MAD1L1: variants seen among roughly 807,000 people sequenced by gnomAD.
MAD1L1 encodes the protein mitotic spindle assembly checkpoint protein MAD1.
MAD1L1 carries 95 observed loss-of-function variants against 96.9 expected under a neutral mutation model. That is an observed-to-expected ratio of 0.98 (90% CI 0.83 to 1.16). The LOEUF is 1.16. MAD1L1 is among the 50% of genes most tolerant of loss of function. The pLI, the probability that MAD1L1 is intolerant of heterozygous loss-of-function variation, is 0.00. For missense variants in MAD1L1, 1,007 were observed against 954.4 expected, an observed-to-expected ratio of 1.06 and a Z score of -0.73; for synonymous variants, 473 against 396.6, an observed-to-expected ratio of 1.19 and a Z score of -2.29.
intron 18 of MAD1L1, among the ~76,000 whole-genome samples, chr7:1,883,805 T>C (rs989432582): frequency 1.3e-5 from 2 of 152,110 alleles, no homozygotes; most frequent in African/African-American, 4.8e-5. Context: ...CCCAGACAGC[T>C]TCAAACCAGA....
intron 12 of MAD1L1, among the ~76,000 whole-genome samples, chr7:2,060,594 ACGACGACAG>A (rs1784618816): frequency 6.6e-6 from 1 of 152,202 alleles, no homozygotes; most frequent in South Asian, 2.1e-4. Context: ...GGAGGAGGCA[ACGACGACAG>A]CATGGAATCG....
chr7:2,096,789 C>A (rs1392453823), intron 11 of MAD1L1, among the ~76,000 whole-genome samples: 1 of 151,992 alleles, frequency 6.6e-6, no homozygotes, highest in Non-Finnish European at 1.5e-5. Context: ...GCCCCACGAC[C>A]ACCACCACCC....
intron 10 of MAD1L1, among the ~76,000 whole-genome samples, chr7:2,152,048 G>C (rs189170888): frequency 3.3e-5 from 5 of 152,302 alleles, no homozygotes; most frequent in Admixed American, 1.3e-4. Flanking sequence ...GCTCCTCCTT[G>C]CCTGAGGTGG....
intron 17 of MAD1L1, among the ~76,000 whole-genome samples, chr7:1,926,031 AAG>A (rs1055640304): frequency 6.6e-6 from 1 of 152,174 alleles, no homozygotes; most frequent in Non-Finnish European, 1.5e-5. Context: ...AAAAAGAAAA[AAG>A]AAAAAAAAAG....
chr7:2,142,732 G>A lies in MAD1L1; in HGVS notation c.1073+6420C>T, dbSNP rs988701013. ...CGCCAAAGCCGAACGGACGCAACAA[G>A]GCCTCTGGCCATGTCAAACCCCAGG... On this transcript the variant is annotated intron_variant, in intron 11 of 18. Transcript: ENST00000265854. The surrounding 1 kb of genome is among the most constrained non-coding windows in gnomAD (Gnocchi z 4.7). Among the ~76,000 whole-genome samples the A allele has an allele frequency of 2.0e-5, 3 of 152,240 alleles. No homozygotes were observed. The highest frequency in any genetic ancestry group is 7.2e-5 in the African/African-American group (3 of 41,458).
chr7:1,843,420 C>T (rs552375422), intron 18 of MAD1L1, among the ~76,000 whole-genome samples: 2 of 152,230 alleles, frequency 1.3e-5, no homozygotes, highest in Admixed American at 1.3e-4. Flanking sequence ...GGCCCAGGTG[C>T]GGTGTAGACC....
chr7:1,964,798 T>C (rs1780091945), intron 15 of MAD1L1, among the ~76,000 whole-genome samples: 1 of 152,190 alleles, frequency 6.6e-6, no homozygotes, highest in African/African-American at 2.4e-5. Context: ...GGGGAAACTT[T>C]TGCAAGAAAA....
chr7:2,087,360 C>T (rs1230880559), intron 11 of MAD1L1, among the ~76,000 whole-genome samples: 7 of 152,052 alleles, frequency 4.6e-5, no homozygotes, highest in African/African-American at 1.2e-4. Flanking sequence ...ACCAACATGG[C>T]GAAACCCTGT....
At chr7:2,121,885 C>T (rs1444157055) in intron 11 of MAD1L1, among the ~76,000 whole-genome samples, 1 of 152,198 alleles carries the variant, frequency 6.6e-6, no homozygotes, top group Non-Finnish European at 1.5e-5. Context: ...AACACAGACC[C>T]GTGCAGCAGC....
chr7:1,967,766 C>T (rs1037972214), intron 15 of MAD1L1, among the ~76,000 whole-genome samples: 12 of 152,176 alleles, frequency 7.9e-5, no homozygotes, highest in South Asian at 2.1e-4. Flanking sequence ...CGGCCGGCCG[C>T]GGGGAGATCA....
At position 2,027,602 on chromosome 7, in the gene MAD1L1, A is replaced by G. The variant is rs369861569; in HGVS notation, c.1219-12960T>C. Among the ~76,000 whole-genome samples the G allele has an allele frequency of 1.3e-5, 2 of 152,258 alleles. 1 individual carries two copies. ...ACAAAATATAGAAGAAAATCAAATG[A>G]TCATCTCAATATTTGCAGAAAAGGC... is the stretch of plus-strand genomic sequence containing the variant. On this transcript the variant is annotated intron_variant, in intron 12 of 18. Transcript: ENST00000265854.
chr7:2,053,499 C>T (rs1248796521), intron 12 of MAD1L1, among the ~76,000 whole-genome samples: 6 of 152,334 alleles, frequency 3.9e-5, no homozygotes, highest in East Asian at 1.9e-4. Context: ...ATGAGCCGGA[C>T]GCCGGGGATG....
intron 12 of MAD1L1, among the ~76,000 whole-genome samples, chr7:2,058,605 G>C (rs1294999518): frequency 1.3e-5 from 1 of 79,816 alleles, no homozygotes; most frequent in Non-Finnish European, 2.5e-5. Context: ...GGAGAGGCGC[G>C]GGGCTAGAGT....
At chr7:1,899,815 A>G (rs1412584935) in intron 17 of MAD1L1, among the ~76,000 whole-genome samples, 2 of 152,126 alleles carry the variant, frequency 1.3e-5, no homozygotes, top group Non-Finnish European at 1.5e-5. Context: ...TTTAAGGTGG[A>G]CGATGCAGTC....
At chr7:2,082,764 G>C (rs1336632127) in intron 11 of MAD1L1, among the ~76,000 whole-genome samples, 3 of 152,272 alleles carry the variant, frequency 2.0e-5, no homozygotes, top group Admixed American at 6.5e-5. Context: ...TGAGGCTCTA[G>C]TGCCCATGAC....
intron 12 of MAD1L1, among the ~76,000 whole-genome samples, chr7:2,023,438 G>A (rs531262662): frequency 3.9e-5 from 6 of 152,266 alleles, no homozygotes; most frequent in South Asian, 2.1e-4. Context: ...AATAACGCAT[G>A]GGTCAAAGAA....
chr7:2,004,895 G>A (rs1781963056), intron 13 of MAD1L1, among the ~76,000 whole-genome samples: 1 of 152,142 alleles, frequency 6.6e-6, no homozygotes, highest in Non-Finnish European at 1.5e-5. Flanking sequence ...CATGACCCAG[G>A]GCCTGGAAAC....
intron 15 of MAD1L1, among the ~76,000 whole-genome samples, chr7:1,961,990 A>G (rs992539871): frequency 2.7e-5 from 4 of 150,356 alleles, no homozygotes; most frequent in Non-Finnish European, 5.9e-5. Context: ...CCCCCATACC[A>G]TTCTCGTGTG....
At chr7:2,087,687 G>A (rs928022740) in intron 11 of MAD1L1, among the ~76,000 whole-genome samples, 15 of 152,314 alleles carry the variant, frequency 9.8e-5, no homozygotes, top group East Asian at 1.9e-4. Flanking sequence ...TGTGCCGATC[G>A]CAAAGGAACA....
Sources: gnomAD v4.1 joint callset for allele counts (sites outside exome capture counted in the v4.1 genomes callset) on GRCh38, gnomAD v4.1.1 for gene constraint, Gnocchi (gnomAD v3.1) non-coding constraint, MANE v1.5 for transcripts, NCBI Gene and HGNC (gene_info 2026-07-23, HGNC 2026-07-21) for gene names.